USP6NL: variants seen among roughly 807,000 people sequenced by gnomAD.
The protein encoded by USP6NL is USP6 N-terminal-like protein.
Under a neutral mutation model 61.9 loss-of-function variants are expected in USP6NL, and 26 were observed. The ratio of observed to expected loss-of-function variants is 0.42; its 90% CI spans 0.31 to 0.58. The LOEUF is 0.58. Among genes scored for constraint, USP6NL ranks in the 20% least tolerant of loss-of-function variants. The probability of loss-of-function intolerance (pLI) is 0.16; values close to 1 mark genes in which losing one functional copy is unlikely to be tolerated. For synonymous variants in USP6NL, 432 were observed against 390.1 expected (o/e 1.11, Z -1.27); for missense variants, 1,114 against 1,034.3 (o/e 1.08, Z -1.06).
chr10:11,466,001 AAAC>A (rs1832435546), intron 14 of USP6NL, among the ~76,000 whole-genome samples: 2 of 152,174 alleles, frequency 1.3e-5, no homozygotes, highest in African/African-American at 4.8e-5. Context: ...CCCATCAAAA[AAAC>A]AACTGGGCAA....
In USP6NL at chr10:11,540,834, T is replaced by C. The variant is rs903987107; in HGVS notation, c.5-13267A>G. ...TGAGAAGCACACAGGAAGAACTATG[T>C]TATCATCCTTTGAGTTATGTAAGTA... On this transcript the variant is annotated intron_variant, in intron 2 of 14. Transcript: ENST00000609104. This position sits in a 1 kb window ranked among gnomAD's most constrained non-coding sequence, Gnocchi z 5.0. Among the ~76,000 whole-genome samples the C allele has an allele frequency of 6.6e-6, 1 of 152,150 alleles. No individual in the cohort carries two copies. Among genetic ancestry groups the C allele is most frequent in the African/African-American group, 2.4e-5 (1 of 41,418 alleles).
Position 11,461,223 on chromosome 10 carries a change from A to G in USP6NL, c.*1218T>C, listed in dbSNP as rs2096213061. 6.6e-6 allele frequency: 1 copy of G among 152,522 alleles called. No homozygotes were observed. The highest frequency in any genetic ancestry group is 2.4e-5 in the African/African-American group (1 of 41,390). 9.4% of individuals were successfully genotyped at this position (152,522 alleles called of 1,614,324 possible). ...TGTAGTGTAACAGAATATTTTTTAA[A>G]GACATCACTAATTTTTTTTTAAGCC... On this transcript the variant is annotated 3_prime_UTR_variant, in exon 15 of 15. Coordinates refer to ENST00000609104, the MANE Select transcript of USP6NL (RefSeq NM_014688.5).
rs189662953 is a variant in USP6NL at position 11,579,970 on chromosome 10, G to A, written c.4+17661C>T. On this transcript the variant is annotated intron_variant, in intron 2 of 14. Transcript: ENST00000609104. ...ACCACCAGTGGAGAGTGGCGGGGGG[G>A]GGGCAGCAACGTCTAAAGACACTTT... is the stretch of plus-strand genomic sequence containing the variant. Among the ~76,000 whole-genome samples, 4 of 145,906 alleles carry A rather than the reference G, an allele frequency of 2.7e-5. No individual in the cohort carries two copies. In the East Asian group the frequency reaches 7.4e-4, roughly 27 times the overall value.
At chr10:11,535,847 T>C (rs1464423451) in intron 2 of USP6NL, among the ~76,000 whole-genome samples, 1 of 152,224 alleles carries the variant, frequency 6.6e-6, no homozygotes, top group African/African-American at 2.4e-5. Flanking sequence ...AACGTATTTG[T>C]GATCACTTCC....
intron 2 of USP6NL, among the ~76,000 whole-genome samples, chr10:11,544,085 A>T (rs976444961): frequency 1.3e-5 from 2 of 152,148 alleles, no homozygotes; most frequent in African/African-American, 4.8e-5. Flanking sequence ...TGTTGGGATT[A>T]CAGGCGTGAG....
rs74742088 is a variant in USP6NL, at chr10:11,465,692, G to A, written c.1079-1843C>T. ...CCCAAGCTGCTCTCAGTGCTGCCTG[G>A]AGGTGCCCAGATTCTGAGTTCCATG... On this transcript the variant is annotated intron_variant, in intron 14 of 14. Coordinates refer to ENST00000609104, the MANE Select transcript of USP6NL (RefSeq NM_014688.5). The surrounding 1 kb of genome is among the most constrained non-coding windows in gnomAD (Gnocchi z 4.5). Among the ~76,000 whole-genome samples the A allele has an allele frequency of 1.6e-3, 245 of 152,278 alleles. No individual in the cohort carries two copies. The highest frequency in any genetic ancestry group is 5.8e-3 in the African/African-American group (242 of 41,546).
chr10:11,609,076 T>C lies in USP6NL; in HGVS notation c.-84+2367A>G, dbSNP rs892039436. ...CTTTTCTTTTCTTTTCTTTTCTTTT[T>C]TTATTTGAGACAGAGTCTCACTCTG... On this transcript the variant is annotated intron_variant, in intron 1 of 14. Coordinates refer to ENST00000609104, the MANE Select transcript of USP6NL (RefSeq NM_014688.5). Among the ~76,000 whole-genome samples, 15 of 152,166 alleles carry C rather than the reference T, an allele frequency of 9.9e-5. 1 individual carries two copies. The Middle Eastern group carries it at 0.017, about 173-fold the overall frequency.
At position 11,515,144 on chromosome 10, in the gene USP6NL, T is replaced by TCAACCCTGTACAG. The variant is rs536419523; in HGVS notation, c.195+3378_195+3390dup. Among the ~76,000 whole-genome samples, 19 of 152,342 alleles carry TCAACCCTGTACAG rather than the reference T, an allele frequency of 1.2e-4. No individual in the cohort carries two copies. The South Asian group carries it at 3.7e-3, about 30-fold the overall frequency. ...CCTCCAGTGATCTGAGACTACGTTT[T>TCAACCCTGTACAG]CAACCCTGTACAGGACCAGCTGAAT... On this transcript the variant is annotated intron_variant, in intron 5 of 14. Coordinates refer to ENST00000609104, the MANE Select transcript of USP6NL (RefSeq NM_014688.5).
At chr10:11,590,488 A>T (rs780426179) in intron 2 of USP6NL, among the ~76,000 whole-genome samples, 1 of 152,222 alleles carries the variant, frequency 6.6e-6, no homozygotes, top group Non-Finnish European at 1.5e-5. Context: ...TTTTATTCAG[A>T]CCATGTAACA....
intron 2 of USP6NL, among the ~76,000 whole-genome samples, chr10:11,530,934 A>T (rs1835630726): frequency 6.6e-6 from 1 of 152,218 alleles, no homozygotes; most frequent in Admixed American, 6.5e-5. Flanking sequence ...TTCTGTTGAA[A>T]GAACCAACCG....
Position 11,575,559 on chromosome 10 carries a change from T to C in USP6NL, c.4+22072A>G, listed in dbSNP as rs1012545996. ...GGGAAGAGAGGAGTATCTAAATTCA[T>C]GTCTCATAAATTTCAATCATCATCT... On this transcript the variant is annotated intron_variant, in intron 2 of 14. Transcript: ENST00000609104. The surrounding 1 kb of genome is among the most constrained non-coding windows in gnomAD (Gnocchi z 4.2). Among the ~76,000 whole-genome samples the C allele has an allele frequency of 6.6e-6, 1 of 152,184 alleles. No individual in the cohort carries two copies. Among genetic ancestry groups the C allele is most frequent in the Admixed American group, 6.5e-5 (1 of 15,282 alleles).
rs1414783716 is a variant in USP6NL at position 11,478,906 on chromosome 10, ATGTTT to A, written c.1078+2859_1078+2863del. Reference sequence around the variant, plus strand: ...AGGCAACAGAGTGAGACCCTGTCTCATGTTTAAAAAGTGTAACTGGAAAAGCAGAG... The same window carrying A: ...AGGCAACAGAGTGAGACCCTGTCTCAAAAAAGTGTAACTGGAAAAGCAGAG... On this transcript the variant is annotated intron_variant, in intron 14 of 14. Transcript: ENST00000609104. This position sits in a 1 kb window ranked among gnomAD's most constrained non-coding sequence, Gnocchi z 6.8. 3.9e-5 allele frequency among the ~76,000 whole-genome samples: 6 copies of A among 152,110 alleles called. No individual in the cohort carries two copies. The highest frequency in any genetic ancestry group is 4.2e-4 in the South Asian group (2 of 4,792).
At chr10:11,539,152 G>C (rs945655706) in intron 2 of USP6NL, among the ~76,000 whole-genome samples, 1 of 152,206 alleles carries the variant, frequency 6.6e-6, no homozygotes, top group Non-Finnish European at 1.5e-5. Flanking sequence ...CCCTGTCCCT[G>C]GGTGCAGCCT....
chr10:11,531,761 AAG>A (rs1329482237), intron 2 of USP6NL, among the ~76,000 whole-genome samples: 5 of 152,198 alleles, frequency 3.3e-5, no homozygotes, highest in East Asian at 1.9e-4. Flanking sequence ...TTCAAAGTAA[AAG>A]AGGCATATTT....
chr10:11,530,903 T>C (rs56170502), intron 2 of USP6NL, among the ~76,000 whole-genome samples: 1 of 152,352 alleles, frequency 6.6e-6, no homozygotes, highest in Non-Finnish European at 1.5e-5. Flanking sequence ...TTTGGTTTCA[T>C]TCTGATTACT....
intron 13 of USP6NL, among the ~76,000 whole-genome samples, chr10:11,483,014 C>A (rs946861437): frequency 6.6e-6 from 1 of 152,176 alleles, no homozygotes; most frequent in South Asian, 2.1e-4. Flanking sequence ...GTACTCTCAG[C>A]AATTTTCAAG....
In USP6NL at chr10:11,588,813, T is replaced by G. The variant is rs556073519; in HGVS notation, c.4+8818A>C. Among the ~76,000 whole-genome samples the G allele has an allele frequency of 2.0e-5, 3 of 152,336 alleles. No individual in the cohort carries two copies. The South Asian group carries it at 6.2e-4, about 32-fold the overall frequency. On this transcript the variant is annotated intron_variant, in intron 2 of 14. Coordinates refer to ENST00000609104, the MANE Select transcript of USP6NL (RefSeq NM_014688.5). ...ACAAATCAAACATTTTTAAGTAGCT[T>G]TTATTTTTAAGCACAGAGATACTGC...
At chr10:11,504,493 A>G (rs1834352171) in intron 6 of USP6NL, among the ~76,000 whole-genome samples, 1 of 152,256 alleles carries the variant, frequency 6.6e-6, no homozygotes, top group Non-Finnish European at 1.5e-5. Flanking sequence ...CCTAGGTCAA[A>G]AAGTTCTACC....
rs1422255727 is a variant in USP6NL at position 11,528,038 on chromosome 10, T to C, written c.5-471A>G. Among the ~76,000 whole-genome samples, 1 of 152,088 alleles carries C rather than the reference T, an allele frequency of 6.6e-6. No individual in the cohort carries two copies. Among genetic ancestry groups the C allele is most frequent in the Non-Finnish European group, 1.5e-5 (1 of 68,016 alleles). Reference sequence around the variant, plus strand: ...GTCTTTGTTTAGCCTTTTAGTTCCCTTTATCAACAGCCTCAACTGCTATAA... The same window carrying C: ...GTCTTTGTTTAGCCTTTTAGTTCCCCTTATCAACAGCCTCAACTGCTATAA... On this transcript the variant is annotated intron_variant, in intron 2 of 14. Transcript: ENST00000609104. The surrounding 1 kb of genome is among the most constrained non-coding windows in gnomAD (Gnocchi z 4.6).
Sources: gnomAD v4.1 joint callset for allele counts (sites outside exome capture counted in the v4.1 genomes callset) on GRCh38, gnomAD v4.1.1 for gene constraint, Gnocchi (gnomAD v3.1) non-coding constraint, MANE v1.5 for transcripts, NCBI Gene and HGNC (gene_info 2026-07-23, HGNC 2026-07-21) for gene names.